Variants in ASTN1 observed in about 807,000 individuals in gnomAD.
The protein encoded by ASTN1 is astrotactin-1.
In ASTN1, 41 loss-of-function variants were observed where a neutral mutation model predicts 140.7. The ratio of observed to expected loss-of-function variants is 0.29; its 90% CI spans 0.23 to 0.38. ASTN1 has a LOEUF of 0.38. ASTN1 is among the 10% of genes least tolerant of loss of function. ASTN1 has a pLI of 1.00. For missense variants in ASTN1, 1,479 were observed against 1,678.8 expected (o/e 0.88, Z 2.08); for synonymous variants, 640 against 652.2 (o/e 0.98, Z 0.29).
At chr1:176,895,183 C>T (rs751716720) in intron 16 of ASTN1, among the ~76,000 whole-genome samples, 28 of 152,256 alleles carry the variant, frequency 1.8e-4, no homozygotes, top group Non-Finnish European at 3.2e-4. Flanking sequence ...AGTAAAGATA[C>T]GAATAGTATC....
intron 16 of ASTN1, among the ~76,000 whole-genome samples, chr1:176,926,034 T>C (rs539876857): frequency 1.2e-4 from 19 of 152,100 alleles, no homozygotes; most frequent in South Asian, 4.2e-4. Context: ...GTCTCGATCT[T>C]CTGACCTCCT....
At chr1:176,870,634 C>T (rs1218234293) in intron 21 of ASTN1, among the ~76,000 whole-genome samples, 2 of 152,178 alleles carry the variant, frequency 1.3e-5, no homozygotes, top group Non-Finnish European at 2.9e-5. Context: ...AAGAGTTTCT[C>T]ACTGATATCT....
intron 18 of ASTN1, among the ~76,000 whole-genome samples, chr1:176,887,795 C>T (rs113672870): frequency 1.7e-3 from 259 of 152,124 alleles, no homozygotes; most frequent in African/African-American, 5.8e-3. Flanking sequence ...GAAGTTCAAG[C>T]GCCACCTCCT....
intron 1 of ASTN1, among the ~76,000 whole-genome samples, chr1:177,083,469 T>C (rs1679277193): frequency 6.6e-6 from 1 of 152,142 alleles, no homozygotes; most frequent in Non-Finnish European, 1.5e-5. Flanking sequence ...CTTCATCTCA[T>C]CTTTAAAAAT....
intron 1 of ASTN1, among the ~76,000 whole-genome samples, chr1:177,067,633 G>T (rs1678429159): frequency 6.6e-6 from 1 of 152,060 alleles, no homozygotes; most frequent in Non-Finnish European, 1.5e-5. Context: ...TTAAGTCAGG[G>T]GTTAATAACA....
At chr1:176,897,724 C>G (rs994286508) in intron 16 of ASTN1, among the ~76,000 whole-genome samples, 1 of 152,030 alleles carries the variant, frequency 6.6e-6, no homozygotes, top group Non-Finnish European at 1.5e-5. Flanking sequence ...AACATTTACC[C>G]GACAGAGAAA....
rs1385069798 is a variant in ASTN1 at position 176,864,130 on chromosome 1, C to A, written c.*154G>T. 1 of 1,478,266 alleles carries A rather than the reference C, an allele frequency of 6.8e-7. No homozygotes were observed. The highest frequency in any genetic ancestry group is 1.4e-5 in the African/African-American group (1 of 71,288). The allele number at this position is 1,478,266 out of a possible 1,614,324, so 91.6% of individuals were successfully genotyped here. A position where few individuals can be genotyped will look rare whatever the true frequency, so the allele number is the denominator to read the frequency against. ...TGGAGAACATCATACTGAAGAAGTTCTGCAGGGAGCAAGGATCACTTTCTC... is the reference window on the plus strand; with the variant it reads ...TGGAGAACATCATACTGAAGAAGTTATGCAGGGAGCAAGGATCACTTTCTC... On this transcript the variant is annotated 3_prime_UTR_variant, in exon 23 of 23. Transcript: ENST00000361833.
At chr1:177,133,415 T>C (rs1434254568) in intron 1 of ASTN1, among the ~76,000 whole-genome samples, 1 of 152,188 alleles carries the variant, frequency 6.6e-6, no homozygotes, top group Non-Finnish European at 1.5e-5. Flanking sequence ...ACTGAAAGAA[T>C]TCTCCTCTGT....
intron 17 of ASTN1, among the ~76,000 whole-genome samples, chr1:176,892,770 T>C (rs1483687020): frequency 6.6e-6 from 1 of 152,204 alleles, no homozygotes; most frequent in Non-Finnish European, 1.5e-5. Context: ...ATGTTATGAT[T>C]TGGCACTCCT....
chr1:176,868,571 C>T (rs1444254135), intron 22 of ASTN1, among the ~76,000 whole-genome samples: 1 of 152,082 alleles, frequency 6.6e-6, no homozygotes, highest in East Asian at 1.9e-4. Context: ...GTTTGGAATG[C>T]AATGTCAACA....
intron 16 of ASTN1, among the ~76,000 whole-genome samples, chr1:176,921,749 C>G (rs12068705): frequency 0.03 from 4,551 of 152,206 alleles, 191 homozygotes; most frequent in African/African-American, 0.1. Context: ...CAACCCCAAC[C>G]TCACCTCACA....
chr1:177,144,784 C>G (rs1440441231), intron 1 of ASTN1, among the ~76,000 whole-genome samples: 1 of 151,920 alleles, frequency 6.6e-6, no homozygotes, highest in Non-Finnish European at 1.5e-5. Flanking sequence ...AATAGATATG[C>G]CCTAGCATCC....
At chr1:177,115,216 A>T (rs1035862452) in intron 1 of ASTN1, among the ~76,000 whole-genome samples, 1 of 152,174 alleles carries the variant, frequency 6.6e-6, no homozygotes, top group Non-Finnish European at 1.5e-5. Context: ...TTCTGATTCA[A>T]TACTGAGGTG....
chr1:177,016,206 T>C (rs1404076549), intron 7 of ASTN1, among the ~76,000 whole-genome samples: 4 of 151,144 alleles, frequency 2.6e-5, no homozygotes, highest in Non-Finnish European at 5.9e-5. Context: ...AAGATTGACC[T>C]ACAAGCGGCT....
intron 2 of ASTN1, among the ~76,000 whole-genome samples, chr1:177,058,904 G>T (rs988528137): frequency 1.3e-5 from 2 of 151,594 alleles, no homozygotes; most frequent in Non-Finnish European, 2.9e-5. Context: ...TAGATGGTAG[G>T]GTGCTTCCTA....
chr1:177,078,003 C>T (rs980463883), intron 1 of ASTN1, among the ~76,000 whole-genome samples: 5 of 152,126 alleles, frequency 3.3e-5, no homozygotes, highest in African/African-American at 1.2e-4. Flanking sequence ...ACAGGGAAAG[C>T]ACAGATGGGG....
In ASTN1 at chr1:177,064,105, C is replaced by T. The variant is rs1386434588; in HGVS notation, c.284-2840G>A. ...GTTCTTAGACCAAGGTCACCCCAGT[C>T]TGACACAGAACAAAGGCTGATGTGG... On this transcript the variant is annotated intron_variant, in intron 1 of 22. Transcript: ENST00000361833. 3.9e-5 allele frequency among the ~76,000 whole-genome samples: 6 copies of T among 152,148 alleles called. No individual in the cohort carries two copies. The South Asian group carries it at 6.2e-4, about 16-fold the overall frequency.
At chr1:176,879,360 A>G (rs1668694941) in intron 20 of ASTN1, among the ~76,000 whole-genome samples, 1 of 152,132 alleles carries the variant, frequency 6.6e-6, no homozygotes, top group Non-Finnish European at 1.5e-5. Context: ...CAGTCTGGCT[A>G]TGTGCAGCTC....
chr1:177,079,766 C>T (rs1245745650), intron 1 of ASTN1, among the ~76,000 whole-genome samples: 2 of 152,056 alleles, frequency 1.3e-5, no homozygotes, highest in Non-Finnish European at 2.9e-5. Flanking sequence ...GAACTCCACA[C>T]CCCCACTGAA....
Sources: gnomAD v4.1 joint callset for allele counts (sites outside exome capture counted in the v4.1 genomes callset) on GRCh38, gnomAD v4.1.1 for gene constraint, MANE v1.5 for transcripts, NCBI Gene and HGNC (gene_info 2026-07-23, HGNC 2026-07-21) for gene names.